The following HNMT variants were observed in gnomAD, a reference collection of about 807,000 sequenced individuals.
HNMT encodes histamine N-methyltransferase.
Under a neutral mutation model 32.1 loss-of-function variants are expected in HNMT, and 30 were observed. The observed-to-expected ratio is 0.93, with a 90% confidence interval of 0.70 to 1.27. The LOEUF is 1.27. HNMT is among the 50% of genes most tolerant of loss of function. The probability of loss-of-function intolerance (pLI) is 0.00; values close to 1 mark genes in which losing one functional copy is unlikely to be tolerated. For synonymous variants in HNMT, 125 were observed against 119.0 expected, an observed-to-expected ratio of 1.05 and a Z score of -0.33; for missense variants, 327 against 346.0, an observed-to-expected ratio of 0.95 and a Z score of 0.43.
intron 4 of HNMT, chr2:138,002,866 G>A: frequency 1.3e-5 from 9 of 673,682 alleles, no homozygotes; most frequent in Non-Finnish European, 1.6e-5. Flanking sequence ...TGTTTCTGTA[G>A]TGGACATATG....
chr2:137,971,642 T>A (rs1259062614), intron 2 of HNMT, among the ~76,000 whole-genome samples: 4 of 152,184 alleles, frequency 2.6e-5, no homozygotes, highest in Non-Finnish European at 5.9e-5. Context: ...GAACAATGAA[T>A]TTTATCTCAT....
intron 5 of HNMT, among the ~76,000 whole-genome samples, chr2:138,009,895 A>G (rs892230587): frequency 6.6e-6 from 1 of 152,082 alleles, no homozygotes. Context: ...CCAGAGCTAT[A>G]ATTCTTTAAA....
At chr2:138,003,972 ATC>A (rs1218268572) in intron 4 of HNMT, among the ~76,000 whole-genome samples, 4 of 151,822 alleles carry the variant, frequency 2.6e-5, no homozygotes, top group Non-Finnish European at 4.4e-5. Context: ...TTCCCTCTGA[ATC>A]TCTATCCTGT....
intron 2 of HNMT, among the ~76,000 whole-genome samples, chr2:137,984,523 C>T (rs1680594794): frequency 6.6e-6 from 1 of 152,052 alleles, no homozygotes; most frequent in Non-Finnish European, 1.5e-5. Context: ...CTCTATAAGC[C>T]CAACAGTGGG....
intron 5 of HNMT, among the ~76,000 whole-genome samples, chr2:138,012,403 C>A (rs1487693859): frequency 6.6e-6 from 1 of 152,064 alleles, no homozygotes; most frequent in Non-Finnish European, 1.5e-5. Flanking sequence ...TTTAGTACTA[C>A]AAACATTGCT....
intron 4 of HNMT, among the ~76,000 whole-genome samples, chr2:138,003,114 C>T (rs7606295): frequency 0.97 from 125,032 of 128,312 alleles, 61,055 homozygotes; most frequent in South Asian, 1. Context: ...GGGATAGCAT[C>T]GGGAGATATA....
At chr2:137,981,447 A>G (rs889817489) in intron 2 of HNMT, 1 of 1,337,082 alleles carries the variant, frequency 7.5e-7, no homozygotes, top group Non-Finnish European at 1.1e-6. Context: ...CACACAGTTG[A>G]AAATTGCAAA....
chr2:138,016,183 G>A lies in HNMT; in HGVS notation c.*2053G>A, dbSNP rs1376244432. The A allele has an allele frequency of 6.6e-6, 1 of 152,134 alleles. No individual in the cohort carries two copies. Among genetic ancestry groups the A allele is most frequent in the East Asian group, 1.9e-4 (1 of 5,190 alleles). 9.4% of individuals were successfully genotyped at this position (152,134 alleles called of 1,614,324 possible). On this transcript the variant is annotated 3_prime_UTR_variant, in exon 6 of 6. Coordinates refer to ENST00000280097, the MANE Select transcript of HNMT (RefSeq NM_006895.3). ...AATTTGGAATGTTGTTTTATGTATT[G>A]TTGTGGATCTCTCAGTGTTTAACAT... is the stretch of plus-strand genomic sequence containing the variant.
At position 137,964,590 on chromosome 2, in the gene HNMT, G is replaced by A; in HGVS notation, c.99G>A (p.Gln33=). The change falls in exon 1 of 6, where the codon CAG becomes CAA. Residue 33 remains glutamine (Q), a synonymous_variant. Coordinates refer to ENST00000280097, the MANE Select transcript of HNMT (RefSeq NM_006895.3). ...ATTCCACGGAACACCAGTGCATGCA[G>A]GAATTCATGGACAAGAAGCTGCCAG... ...LNHSTEHQCM[Q]EFMDKKLPGI... 6.2e-7 allele frequency: 1 copy of A among 1,613,792 alleles called. No homozygotes were observed. Among genetic ancestry groups the A allele is most frequent in the Non-Finnish European group, 8.5e-7 (1 of 1,179,784 alleles).
chr2:137,981,911 T>G (rs988593597), intron 2 of HNMT, among the ~76,000 whole-genome samples: 2 of 152,158 alleles, frequency 1.3e-5, no homozygotes, highest in Non-Finnish European at 2.9e-5. Flanking sequence ...TGGAGTGCAG[T>G]GCCGCGATCT....
At chr2:138,005,098 G>C (rs1319666840) in intron 4 of HNMT, 34 bp from the exon 5 acceptor site, 6 of 1,175,430 alleles carry the variant, frequency 5.1e-6, no homozygotes, top group Non-Finnish European at 7.7e-6. Context: ...TCAACATACA[G>C]AAGCAGCTCA....
At chr2:137,965,236 A>G (rs1679920992) in intron 1 of HNMT, among the ~76,000 whole-genome samples, 1 of 152,010 alleles carries the variant, frequency 6.6e-6, no homozygotes, top group African/African-American at 2.4e-5. Flanking sequence ...TCCTTCTTGC[A>G]GAGTTCTTTT....
At chr2:137,973,712 A>G (rs147128624) in intron 2 of HNMT, among the ~76,000 whole-genome samples, 387 of 152,300 alleles carry the variant, frequency 2.5e-3, no homozygotes, top group African/African-American at 8.9e-3. Context: ...ACACAAAAGA[A>G]AACCAGCTAA....
intron 2 of HNMT, among the ~76,000 whole-genome samples, chr2:137,979,737 T>C (rs1324480858): frequency 6.6e-6 from 1 of 152,056 alleles, no homozygotes; most frequent in African/African-American, 2.4e-5. Context: ...CTCACCTAGA[T>C]AGACTAAGAA....
intron 2 of HNMT, among the ~76,000 whole-genome samples, chr2:137,996,957 C>A (rs755165059): frequency 3.4e-4 from 51 of 152,192 alleles, no homozygotes; most frequent in Non-Finnish European, 6.0e-4. Flanking sequence ...GCTGGGAAAA[C>A]TGGCTAGCCA....
At position 137,981,146 on chromosome 2, in the gene HNMT, G is replaced by A. The variant is rs569265048; in HGVS notation, c.190+10929G>A. ...ATATTTTGATATGAGAAAAGAAGCA[G>A]GGATAGGCTGAAATCGAATGGCAGG... On this transcript the variant is annotated intron_variant, in intron 2 of 5. Transcript: ENST00000280097. The A allele has an allele frequency of 2.6e-6, 4 of 1,519,076 alleles. No individual in the cohort carries two copies. The South Asian group carries it at 5.0e-5, about 19-fold the overall frequency. The allele number at this position is 1,519,076 out of a possible 1,614,324, so 94.1% of individuals were successfully genotyped here.
intron 2 of HNMT, among the ~76,000 whole-genome samples, chr2:137,984,024 A>G (rs1336158023): frequency 1.3e-5 from 2 of 152,172 alleles, no homozygotes; most frequent in East Asian, 3.8e-4. Flanking sequence ...TACCCTGAAG[A>G]TTACCGTATT....
chr2:137,969,718 A>G (rs1558950399), intron 1 of HNMT, among the ~76,000 whole-genome samples: 1 of 152,176 alleles, frequency 6.6e-6, no homozygotes, highest in Non-Finnish European at 1.5e-5. Flanking sequence ...AGGATAGAAT[A>G]CACATAATGC....
intron 2 of HNMT, among the ~76,000 whole-genome samples, chr2:137,970,579 G>T (rs1680090575): frequency 6.6e-6 from 1 of 152,054 alleles, no homozygotes; most frequent in African/African-American, 2.4e-5. Flanking sequence ...CTTGTTCATG[G>T]ACTGGTTACT....
Sources: allele counts gnomAD v4.1 joint callset (sites outside exome capture counted in the v4.1 genomes callset), GRCh38; gene constraint gnomAD v4.1.1; transcripts MANE v1.5; gene names NCBI Gene and HGNC (gene_info 2026-07-23, HGNC 2026-07-21).